The following PAQR5 variants were observed in gnomAD, a reference collection of about 807,000 sequenced individuals.
PAQR5 encodes membrane progestin receptor gamma.
Under a neutral mutation model 34.5 loss-of-function variants are expected in PAQR5, and 20 were observed. The observed-to-expected ratio is 0.58, with a 90% CI of 0.41 to 0.84. PAQR5 has a LOEUF of 0.84. Ranked by LOEUF, PAQR5 falls within the 40% of genes least tolerant of loss-of-function variation. The pLI, the probability that PAQR5 is intolerant of heterozygous loss-of-function variation, is 0.00. For synonymous variants in PAQR5, 131 were observed against 155.6 expected, an observed-to-expected ratio of 0.84 and a Z score of 1.18; for missense variants, 378 against 412.7, an observed-to-expected ratio of 0.92 and a Z score of 0.73.
intron 2 of PAQR5, among the ~76,000 whole-genome samples, chr15:69,345,474 G>A (rs1258856696): frequency 6.6e-6 from 1 of 152,130 alleles, no homozygotes; most frequent in Admixed American, 6.6e-5. Flanking sequence ...GGATCTTTAT[G>A]GATGGACCCC....
chr15:69,299,557 G>T (rs1014028574), intron 1 of PAQR5, among the ~76,000 whole-genome samples: 3 of 152,214 alleles, frequency 2.0e-5, no homozygotes, highest in African/African-American at 7.2e-5. Flanking sequence ...GCCTGCGGGG[G>T]TCGTCCCGGC....
At chr15:69,369,928 T>A (rs1403684892) in intron 3 of PAQR5, among the ~76,000 whole-genome samples, 3 of 152,212 alleles carry the variant, frequency 2.0e-5, no homozygotes, top group African/African-American at 4.8e-5. Flanking sequence ...GAGACTCTGA[T>A]GGTGAATGCA....
At chr15:69,329,343 G>A (rs971690929) in intron 1 of PAQR5, among the ~76,000 whole-genome samples, 3 of 151,952 alleles carry the variant, frequency 2.0e-5, no homozygotes, top group African/African-American at 7.3e-5. Context: ...GGTGGTTATC[G>A]GAGGCTGGGA....
At chr15:69,358,996 A>T (rs1463151139) in intron 2 of PAQR5, among the ~76,000 whole-genome samples, 1 of 152,128 alleles carries the variant, frequency 6.6e-6, no homozygotes, top group Non-Finnish European at 1.5e-5. Flanking sequence ...TAATTTATAA[A>T]CAACAGAAAT....
chr15:69,326,332 C>T (rs2054250548), intron 1 of PAQR5, among the ~76,000 whole-genome samples: 1 of 152,164 alleles, frequency 6.6e-6, no homozygotes, highest in Non-Finnish European at 1.5e-5. Flanking sequence ...GTTTCCTGGG[C>T]TGCATCCCGT....
chr15:69,336,243 A>G (rs997164322), intron 1 of PAQR5, among the ~76,000 whole-genome samples: 5 of 152,186 alleles, frequency 3.3e-5, no homozygotes, highest in Non-Finnish European at 5.9e-5. Context: ...TTGATATTTG[A>G]CAAACTTTCC....
At chr15:69,329,490 G>A (rs1188185505) in intron 1 of PAQR5, among the ~76,000 whole-genome samples, 6 of 66,348 alleles carry the variant, frequency 9.0e-5, no homozygotes, top group Admixed American at 2.0e-4. Context: ...TTTTTTTTTG[G>A]AGAGAGAGCC....
At chr15:69,327,395 T>C (rs1210519152) in intron 1 of PAQR5, among the ~76,000 whole-genome samples, 2 of 152,106 alleles carry the variant, frequency 1.3e-5, no homozygotes, top group Non-Finnish European at 2.9e-5. Flanking sequence ...CCCCACAGTA[T>C]TCAGCTCTTT....
intron 3 of PAQR5, among the ~76,000 whole-genome samples, chr15:69,361,895 C>G (rs2055243865): frequency 6.6e-6 from 1 of 151,498 alleles, no homozygotes; most frequent in South Asian, 2.1e-4. Context: ...GGAGAGCATT[C>G]CAGGTGGAAG....
chr15:69,311,040 AAAAAT>A (rs1281214724), intron 1 of PAQR5, among the ~76,000 whole-genome samples: 35 of 103,738 alleles, frequency 3.4e-4, no homozygotes, highest in East Asian at 3.0e-3. Flanking sequence ...CTCCGTCGCA[AAAAAT>A]AAAAAAAAAA....
intron 3 of PAQR5, among the ~76,000 whole-genome samples, chr15:69,378,436 CAAAAAA>C (rs1235264927): frequency 1.3e-4 from 7 of 52,526 alleles, no homozygotes; most frequent in Admixed American, 3.1e-4. Flanking sequence ...GACCCTGTCT[CAAAAAA>C]AAAAAAAAAA....
At chr15:69,331,511 G>A (rs1298863216) in intron 1 of PAQR5, among the ~76,000 whole-genome samples, 2 of 152,146 alleles carry the variant, frequency 1.3e-5, no homozygotes, top group African/African-American at 4.8e-5. Flanking sequence ...GTATGTGGAA[G>A]GGATCTCAGG....
intron 6 of PAQR5, among the ~76,000 whole-genome samples, chr15:69,390,348 A>ATATT (rs2056227146): frequency 8.0e-6 from 1 of 124,828 alleles, no homozygotes; most frequent in Non-Finnish European, 1.8e-5. Flanking sequence ...TTATTTATTT[A>ATATT]TTTATTTATT....
rs1260466372 is a variant in PAQR5 at position 69,322,765 on chromosome 15, A to G, written c.-276-14576A>G. ...GAAGAAGAAGAAGAAGAAGAAGAAG[A>G]AGAAGAGGGAGAAGAAGAAGACGAG... On this transcript the variant is annotated intron_variant, in intron 1 of 8. Coordinates refer to ENST00000395407, the MANE Select transcript of PAQR5 (RefSeq NM_017705.4). Among the ~76,000 whole-genome samples the G allele has an allele frequency of 5.7e-3, 239 of 41,768 alleles. 6 individuals carry two copies. The highest frequency in any genetic ancestry group is 0.011 in the East Asian group (12 of 1,076). 27.4% of individuals were successfully genotyped at this position (41,768 alleles called of 152,430 possible). A position where few individuals can be genotyped will look rare whatever the true frequency, so the allele number is the denominator to read the frequency against.
chr15:69,389,670 C>T lies in PAQR5; in HGVS notation c.402C>T (p.Tyr134=), dbSNP rs781740880. 6.2e-7 allele frequency: 1 copy of T among 1,614,212 alleles called. No homozygotes were observed. Among genetic ancestry groups the T allele is most frequent in the Non-Finnish European group, 8.5e-7 (1 of 1,180,024 alleles). The change falls in exon 6 of 9, where the codon TAC becomes TAT. Residue 134 remains tyrosine (Y), a synonymous_variant. Coordinates refer to ENST00000395407, the MANE Select transcript of PAQR5 (RefSeq NM_017705.4). ...CTTCCCCAGGCTCAGCCATTGCCTACTCTGCATACACGTTCCCGGATGCGC... is the reference window on the plus strand; with the variant it reads ...CTTCCCCAGGCTCAGCCATTGCCTATTCTGCATACACGTTCCCGGATGCGC... ...NLFSLGSAIA[Y]SAYTFPDALM...
At chr15:69,350,649 A>T (rs1471301136) in intron 2 of PAQR5, among the ~76,000 whole-genome samples, 1 of 150,812 alleles carries the variant, frequency 6.6e-6, no homozygotes, top group Non-Finnish European at 1.5e-5. Flanking sequence ...TCTCAAAAAA[A>T]TAAAAAAAAT....
chr15:69,366,986 T>G (rs529649775), intron 3 of PAQR5, among the ~76,000 whole-genome samples: 34 of 152,308 alleles, frequency 2.2e-4, no homozygotes, highest in African/African-American at 7.7e-4. Flanking sequence ...CCGATATTAA[T>G]GTAACTACTC....
chr15:69,347,816 G>A (rs1337668411), intron 2 of PAQR5, among the ~76,000 whole-genome samples: 6 of 152,126 alleles, frequency 3.9e-5, no homozygotes, highest in Non-Finnish European at 7.3e-5. Flanking sequence ...TTATCAGGGC[G>A]TTAAGTCCCT....
At chr15:69,355,053 C>G (rs2055020417) in intron 2 of PAQR5, among the ~76,000 whole-genome samples, 1 of 152,122 alleles carries the variant, frequency 6.6e-6, no homozygotes, top group Non-Finnish European at 1.5e-5. Flanking sequence ...GACTTGGACT[C>G]AGCCACACTG....
Sources: gnomAD v4.1 joint callset for allele counts (sites outside exome capture counted in the v4.1 genomes callset) on GRCh38, gnomAD v4.1.1 for gene constraint, MANE v1.5 for transcripts, NCBI Gene and HGNC (gene_info 2026-07-23, HGNC 2026-07-21) for gene names.